The following HACE1 variants were observed in gnomAD, a reference collection of about 807,000 sequenced individuals.
HACE1 encodes the protein E3 ubiquitin-protein ligase HACE1.
HACE1 carries 73 observed loss-of-function variants against 118.4 expected under a neutral mutation model. The observed-to-expected ratio is 0.62, with a 90% CI of 0.51 to 0.75. HACE1 has a LOEUF of 0.75. Among genes scored for constraint, HACE1 ranks in the 30% least tolerant of loss-of-function variants. HACE1 has a pLI of 0.00. For missense variants in HACE1, 749 were observed against 1,102.2 expected (o/e 0.68, Z 4.54); for synonymous variants, 368 against 374.8 (o/e 0.98, Z 0.21).
At chr6:104,839,652 C>T (rs1451455963) in intron 5 of HACE1, among the ~76,000 whole-genome samples, 2 of 152,120 alleles carry the variant, frequency 1.3e-5, no homozygotes, top group Non-Finnish European at 2.9e-5. Context: ...AGGTAACCTA[C>T]ACAAGTAATA....
chr6:104,756,857 C>T (rs933788219), intron 19 of HACE1, among the ~76,000 whole-genome samples: 5 of 152,196 alleles, frequency 3.3e-5, no homozygotes, highest in Admixed American at 6.5e-5. Context: ...TGCACTTTTC[C>T]CACAGTCTTC....
chr6:104,846,303 C>T (rs532496682), intron 4 of HACE1, among the ~76,000 whole-genome samples: 1 of 152,078 alleles, frequency 6.6e-6, no homozygotes, highest in Non-Finnish European at 1.5e-5. Context: ...TCATAATCAC[C>T]TAAAAAATAA....
At chr6:104,811,242 T>TTATATATATATATATATATA (rs1771571921) in intron 7 of HACE1, 69 bp downstream of exon 7, 1 of 189,560 alleles carries the variant, frequency 5.3e-6, no homozygotes, top group Non-Finnish European at 9.7e-6. Context: ...ATTTCTTTAT[T>TTATATATATATATATATATA]TATACATATA....
chr6:104,738,633 A>G (rs1396062016), intron 22 of HACE1, among the ~76,000 whole-genome samples: 1 of 149,460 alleles, frequency 6.7e-6, no homozygotes, highest in Admixed American at 6.6e-5. Flanking sequence ...GAATAAAAAG[A>G]AATGAGCAAA....
intron 14 of HACE1, among the ~76,000 whole-genome samples, chr6:104,781,094 T>C (rs569112390): frequency 6.6e-6 from 1 of 152,332 alleles, no homozygotes; most frequent in African/African-American, 2.4e-5. Context: ...GCTTCTCTAC[T>C]GTAAGGCACC....
intron 22 of HACE1, among the ~76,000 whole-genome samples, chr6:104,737,121 TAAAA>T (rs34153414): frequency 7.0e-6 from 1 of 142,490 alleles, no homozygotes; most frequent in Non-Finnish European, 1.5e-5. Context: ...TCATCTCTAC[TAAAA>T]AAAAAAAAAT....
intron 19 of HACE1, among the ~76,000 whole-genome samples, chr6:104,766,198 T>G (rs1260598591): frequency 6.6e-6 from 1 of 152,200 alleles, no homozygotes; most frequent in Non-Finnish European, 1.5e-5. Context: ...GTCCTGCACA[T>G]GTCATTTATT....
At chr6:104,799,116 T>A (rs1197318312) in intron 7 of HACE1, among the ~76,000 whole-genome samples, 1 of 152,216 alleles carries the variant, frequency 6.6e-6, no homozygotes, top group Non-Finnish European at 1.5e-5. Context: ...ATTTAGGATA[T>A]ACTAGGTAAC....
At chr6:104,835,308 T>C (rs2115107766) in intron 5 of HACE1, among the ~76,000 whole-genome samples, 1 of 152,300 alleles carries the variant, frequency 6.6e-6, no homozygotes, top group Middle Eastern at 3.4e-3. Flanking sequence ...ACTACAAATT[T>C]TTTTAAAGCA....
At chr6:104,848,977 A>G (rs560604235) in intron 4 of HACE1, among the ~76,000 whole-genome samples, 165 bp downstream of exon 4, 15 of 152,324 alleles carry the variant, frequency 9.8e-5, no homozygotes, top group Admixed American at 8.5e-4. Flanking sequence ...ATCATCAATA[A>G]TATCTTTGAG....
intron 3 of HACE1, 80 bp downstream of exon 3, chr6:104,850,827 A>C (rs889812046): frequency 1.1e-6 from 1 of 897,668 alleles, no homozygotes; most frequent in African/African-American, 1.6e-5. Context: ...CTCCCCAGAA[A>C]TATTGTGTGA....
chr6:104,737,013 G>A (rs1190630940), intron 22 of HACE1, among the ~76,000 whole-genome samples: 1 of 151,926 alleles, frequency 6.6e-6, no homozygotes, highest in Non-Finnish European at 1.5e-5. Context: ...GCCAGGCACG[G>A]TGGCTCACAC....
chr6:104,785,603 CTTCTT>C, intron 11 of HACE1: 1 of 347,392 alleles, frequency 2.9e-6, no homozygotes, highest in Non-Finnish European at 5.3e-6. Flanking sequence ...CACAATCTTT[CTTCTT>C]TTAATTTTCA....
At chr6:104,771,539 T>A (rs1227859956) in intron 18 of HACE1, 150 bp from the exon 19 acceptor site, 8 of 621,816 alleles carry the variant, frequency 1.3e-5, no homozygotes, top group South Asian at 1.2e-4. Flanking sequence ...ATTCCTGAAT[T>A]TGAAAGTCTG....
chr6:104,774,386 G>A (rs1780992596), intron 17 of HACE1, among the ~76,000 whole-genome samples: 2 of 75,998 alleles, frequency 2.6e-5, no homozygotes, highest in Admixed American at 1.3e-4. Flanking sequence ...CACCGCGCCC[G>A]GCCTCTCTTT....
chr6:104,734,970 T>A (rs1476386885), intron 22 of HACE1, among the ~76,000 whole-genome samples: 1 of 151,918 alleles, frequency 6.6e-6, no homozygotes, highest in Non-Finnish European at 1.5e-5. Context: ...TAAATCAAAA[T>A]AAGGTCCGGA....
intron 22 of HACE1, among the ~76,000 whole-genome samples, chr6:104,734,514 A>AT (rs1775601518): frequency 6.6e-6 from 1 of 152,214 alleles, no homozygotes; most frequent in African/African-American, 2.4e-5. Context: ...AAGATTTTAA[A>AT]AAGCTTAAAA....
chr6:104,812,935 T>C (rs1207057613), intron 6 of HACE1, among the ~76,000 whole-genome samples: 1 of 152,080 alleles, frequency 6.6e-6, no homozygotes, highest in Non-Finnish European at 1.5e-5. Context: ...TCTCAGAAGA[T>C]GGGAAGTTTA....
chr6:104,831,960 GAAGAGAAGAGAAGAGAAGAGAGGA>G (rs1402880415), intron 6 of HACE1, among the ~76,000 whole-genome samples: 116 of 88,752 alleles, frequency 1.3e-3, no homozygotes, highest in African/African-American at 6.1e-3. Flanking sequence ...GAAGAGAAGA[GAAGAGAAGAGAAGAGAAGAGAGGA>G]AGGAAGGAAG....
Sources: gnomAD v4.1 joint callset for allele counts (sites outside exome capture counted in the v4.1 genomes callset) on GRCh38, gnomAD v4.1.1 for gene constraint, MANE v1.5 for transcripts, NCBI Gene and HGNC (gene_info 2026-07-23, HGNC 2026-07-21) for gene names.